The following PIAS2 variants were observed in gnomAD, a reference collection of about 807,000 sequenced individuals.
PIAS2 encodes protein inhibitor of activated STAT 2, also known as E3 SUMO-protein ligase PIAS2.
PIAS2 carries 19 observed loss-of-function variants against 69.7 expected under a neutral mutation model. That is an observed-to-expected ratio of 0.27 (90% CI 0.19 to 0.40). The LOEUF is 0.40. Among genes scored for constraint, PIAS2 ranks in the 10% least tolerant of loss-of-function variants. The pLI, the probability that PIAS2 is intolerant of heterozygous loss-of-function variation, is 1.00. For missense variants in PIAS2, 624 were observed against 757.0 expected (o/e 0.82, Z 2.06); for synonymous variants, 261 against 263.2 (o/e 0.99, Z 0.08).
rs1357619353 is a variant in PIAS2 at position 46,804,704 on chromosome 18, A to G, written c.*7729T>C. 1 of 152,198 alleles carries G rather than the reference A, an allele frequency of 6.6e-6. No homozygotes were observed. Among genetic ancestry groups the G allele is most frequent in the Non-Finnish European group, 1.5e-5 (1 of 68,032 alleles). 9.4% of individuals were successfully genotyped at this position (152,198 alleles called of 1,614,324 possible). A position where few individuals can be genotyped will look rare whatever the true frequency, so the allele number is the denominator to read the frequency against. On this transcript the variant is annotated 3_prime_UTR_variant, in exon 14 of 14. Coordinates refer to ENST00000585916, the MANE Select transcript of PIAS2 (RefSeq NM_004671.5). ...AGGTGCCTCATTTACATGCTCTTGTAGCACCCTATACTTTGTCTTTTACCA... is the reference window on the plus strand; with the variant it reads ...AGGTGCCTCATTTACATGCTCTTGTGGCACCCTATACTTTGTCTTTTACCA...
intron 1 of PIAS2, among the ~76,000 whole-genome samples, chr18:46,892,436 T>C (rs2054205692): frequency 6.6e-6 from 1 of 152,004 alleles, no homozygotes; most frequent in African/African-American, 2.4e-5. Flanking sequence ...CCAACACAAA[T>C]TAATAGAAGA....
chr18:46,827,854 T>C (rs781743965), intron 11 of PIAS2, 105 bp downstream of exon 11: 16 of 975,930 alleles, frequency 1.6e-5, no homozygotes, highest in Non-Finnish European at 2.2e-5. Context: ...CAAATTAAAA[T>C]AGCCTTCTAC....
intron 13 of PIAS2, among the ~76,000 whole-genome samples, chr18:46,814,778 T>C (rs2041335566): frequency 6.6e-6 from 1 of 152,212 alleles, no homozygotes; most frequent in African/African-American, 2.4e-5. Context: ...CTGCAAGGTC[T>C]TCATGTTGGG....
chr18:46,904,964 TAA>T (rs2056407430), intron 1 of PIAS2, among the ~76,000 whole-genome samples: 1 of 152,044 alleles, frequency 6.6e-6, no homozygotes, highest in African/African-American at 2.4e-5. Context: ...AAAATTCTAG[TAA>T]AAGATTAACT....
At chr18:46,844,995 A>C (rs2045963468) in intron 6 of PIAS2, 156 bp from the exon 7 acceptor site, 1 of 394,652 alleles carries the variant, frequency 2.5e-6, no homozygotes, top group Admixed American at 4.5e-5. Context: ...AAAATTCACC[A>C]AGCTACTTCA....
intron 8 of PIAS2, among the ~76,000 whole-genome samples, chr18:46,843,563 C>T (rs2045733677): frequency 6.6e-6 from 1 of 152,154 alleles, no homozygotes; most frequent in South Asian, 2.1e-4. Context: ...GTGGCAAGTA[C>T]ACAGGAGGAT....
intron 9 of PIAS2, among the ~76,000 whole-genome samples, chr18:46,830,844 T>G (rs12455289): frequency 0.02 from 2,970 of 152,280 alleles, 92 homozygotes; most frequent in East Asian, 0.14. Flanking sequence ...CAACTCATTG[T>G]ACAAGGTCAG....
At chr18:46,824,600 T>C (rs543615841) in intron 11 of PIAS2, among the ~76,000 whole-genome samples, 1 of 152,316 alleles carries the variant, frequency 6.6e-6, no homozygotes, top group South Asian at 2.1e-4. Flanking sequence ...GCCATCAAAA[T>C]GGCAATGATT....
At chr18:46,908,444 T>G (rs975674794) in intron 1 of PIAS2, among the ~76,000 whole-genome samples, 1 of 152,086 alleles carries the variant, frequency 6.6e-6, no homozygotes, top group African/African-American at 2.4e-5. Flanking sequence ...ATGGAACAAT[T>G]TATTATTCTT....
chr18:46,822,932 G>C (rs1205077641), intron 11 of PIAS2, among the ~76,000 whole-genome samples: 1 of 152,040 alleles, frequency 6.6e-6, no homozygotes, highest in African/African-American at 2.4e-5. Context: ...AATTTAAAAA[G>C]TTTCTACTTA....
intron 2 of PIAS2, among the ~76,000 whole-genome samples, chr18:46,868,896 C>T (rs1161669623): frequency 6.6e-6 from 1 of 152,176 alleles, no homozygotes. Context: ...TCAAGACCTC[C>T]CCCAGCATGA....
intron 12 of PIAS2, 197 bp from the exon 13 acceptor site, chr18:46,815,546 ACTGG>A: frequency 1.0e-6 from 1 of 985,344 alleles, no homozygotes. Context: ...TGATAAAACA[ACTGG>A]AAAAACTAGC....
Position 46,811,830 on chromosome 18 carries a change from C to T in PIAS2, c.*603G>A, listed in dbSNP as rs75241378. On this transcript the variant is annotated 3_prime_UTR_variant, in exon 14 of 14. Coordinates refer to ENST00000585916, the MANE Select transcript of PIAS2 (RefSeq NM_004671.5). ...TAAGCAGGAAAAAAACCAAGTAACA[C>T]GAATGCCATTTTTCTTTGATGCAAT... is the stretch of plus-strand genomic sequence containing the variant. 1.3e-5 allele frequency: 2 copies of T among 152,122 alleles called. No individual in the cohort carries two copies. The highest frequency in any genetic ancestry group is 1.3e-4 in the Admixed American group (2 of 15,266). 9.4% of individuals were successfully genotyped at this position (152,122 alleles called of 1,614,324 possible).
intron 1 of PIAS2, among the ~76,000 whole-genome samples, chr18:46,911,945 C>G (rs1033180451): frequency 2.0e-5 from 3 of 151,788 alleles, no homozygotes; most frequent in Non-Finnish European, 4.4e-5. Flanking sequence ...CAGCTAATCG[C>G]GAGGCTGAGG....
chr18:46,859,002 T>C (rs766020010), intron 3 of PIAS2, among the ~76,000 whole-genome samples: 2 of 152,196 alleles, frequency 1.3e-5, no homozygotes, highest in African/African-American at 2.4e-5. Flanking sequence ...TTTAGTCACC[T>C]GTCTAGGGGC....
chr18:46,874,361 C>A (rs1259202135), intron 2 of PIAS2, among the ~76,000 whole-genome samples: 1 of 152,052 alleles, frequency 6.6e-6, no homozygotes, highest in South Asian at 2.1e-4. Flanking sequence ...AGGCATTAAT[C>A]AAAAATATCA....
At chr18:46,867,474 G>A (rs777049578) in intron 2 of PIAS2, among the ~76,000 whole-genome samples, 1 of 152,168 alleles carries the variant, frequency 6.6e-6, no homozygotes, top group Non-Finnish European at 1.5e-5. Flanking sequence ...ATAACCATGA[G>A]AAAGAATGCA....
rs1260121072 is a variant in PIAS2, at chr18:46,806,315, G to A, written c.*6118C>T. On this transcript the variant is annotated 3_prime_UTR_variant, in exon 14 of 14. Coordinates refer to ENST00000585916, the MANE Select transcript of PIAS2 (RefSeq NM_004671.5). ...TCCTCTGAGAAGCCATTGCAAGAAT[G>A]AGACATTCTTGGAAAATTCTTTGCA... 1 of 136,072 alleles carries A rather than the reference G, an allele frequency of 7.3e-6. No individual in the cohort carries two copies. Among genetic ancestry groups the A allele is most frequent in the East Asian group, 2.4e-4 (1 of 4,244 alleles). 8.4% of individuals were successfully genotyped at this position (136,072 alleles called of 1,614,324 possible).
At chr18:46,871,702 G>A (rs555941850) in intron 2 of PIAS2, among the ~76,000 whole-genome samples, 1 of 152,266 alleles carries the variant, frequency 6.6e-6, no homozygotes, top group South Asian at 2.1e-4. Context: ...TTGCTCCTCA[G>A]AAGAACTTTT....
Sources: gnomAD v4.1 joint callset for allele counts (sites outside exome capture counted in the v4.1 genomes callset) on GRCh38, gnomAD v4.1.1 for gene constraint, MANE v1.5 for transcripts, NCBI Gene and HGNC (gene_info 2026-07-23, HGNC 2026-07-21) for gene names.